Variants in PTPN21 observed in about 807,000 individuals in gnomAD.
PTPN21 encodes the protein protein tyrosine phosphatase non-receptor type 21.
In PTPN21, 77 loss-of-function variants were observed where a neutral mutation model predicts 131.8. The ratio of observed to expected loss-of-function variants is 0.58; its 90% CI spans 0.49 to 0.71. The LOEUF (loss-of-function observed/expected upper bound fraction) is 0.71. Ranked by LOEUF, PTPN21 falls within the 30% of genes least tolerant of loss-of-function variation. PTPN21 has a pLI of 0.00. For missense variants in PTPN21, 1,552 were observed against 1,527.1 expected (o/e 1.02, Z -0.27); for synonymous variants, 715 against 621.3 (o/e 1.15, Z -2.24).
chr14:88,510,594 A>C (rs1197796505), intron 3 of PTPN21, among the ~76,000 whole-genome samples: 1 of 152,156 alleles, frequency 6.6e-6, no homozygotes, highest in South Asian at 2.1e-4. Context: ...ACAGTCCACA[A>C]AACACAATGG....
chr14:88,527,671 A>G (rs2078499011), intron 2 of PTPN21, among the ~76,000 whole-genome samples: 1 of 152,086 alleles, frequency 6.6e-6, no homozygotes, highest in African/African-American at 2.4e-5. Flanking sequence ...ATTAAATCTC[A>G]TCTATTTTTG....
intron 8 of PTPN21, 33 bp from the exon 9 acceptor site, chr14:88,497,323 G>C: frequency 6.6e-7 from 1 of 1,515,614 alleles, no homozygotes; most frequent in Non-Finnish European, 9.2e-7. Flanking sequence ...CTGGCAATGT[G>C]AGTGCCCATG....
intron 4 of PTPN21, among the ~76,000 whole-genome samples, chr14:88,507,036 G>A (rs568471096): frequency 2.0e-5 from 3 of 151,360 alleles, no homozygotes; most frequent in African/African-American, 7.2e-5. Flanking sequence ...TCCATAGAGC[G>A]AGACTCCATC....
intron 10 of PTPN21, among the ~76,000 whole-genome samples, chr14:88,487,308 A>T (rs2140110857): frequency 6.6e-6 from 1 of 152,262 alleles, no homozygotes; most frequent in South Asian, 2.1e-4. Context: ...GTACTTATGT[A>T]ACACATAATC....
intron 9 of PTPN21, among the ~76,000 whole-genome samples, chr14:88,496,718 T>C (rs1174798988): frequency 6.6e-6 from 1 of 152,220 alleles, no homozygotes. Context: ...GATTCTCATA[T>C]TAAACAGTTT....
In PTPN21 at chr14:88,478,294, G is replaced by T. The variant is rs185792131; in HGVS notation, c.2511+626C>A. ...TTAAAGAACTGCATCTTCTACCGGG[G>T]ACTTTCCTTAGATTCTCAGCTGAAT... On this transcript the variant is annotated intron_variant, in intron 13 of 18. Coordinates refer to ENST00000556564, the MANE Select transcript of PTPN21 (RefSeq NM_007039.4). Among the ~76,000 whole-genome samples, 4 of 152,140 alleles carry T rather than the reference G, an allele frequency of 2.6e-5. No individual in the cohort carries two copies. The East Asian group carries it at 5.8e-4, about 22-fold the overall frequency.
chr14:88,534,891 T>C (rs1284606551), intron 2 of PTPN21, among the ~76,000 whole-genome samples: 1 of 151,930 alleles, frequency 6.6e-6, no homozygotes, highest in African/African-American at 2.4e-5. Flanking sequence ...AATTAAAAAA[T>C]TGTGATATAT....
At position 88,469,642 on chromosome 14, in the gene PTPN21, C is replaced by G. The variant is rs376371612; in HGVS notation, c.3092G>C (p.Arg1031Pro). The G allele has an allele frequency of 1.2e-6, 2 of 1,614,112 alleles. No individual in the cohort carries two copies. Among genetic ancestry groups the G allele is most frequent in the African/African-American group, 1.3e-5 (1 of 75,000 alleles). The change falls in exon 17 of 19, where the codon CGG (arginine) becomes CCG (proline). Residue 1031 changes from arginine (R) to proline (P), a missense_variant. By Grantham distance (103) the Arg-to-Pro change is moderately radical (BLOSUM62 -2). Coordinates refer to ENST00000556564, the MANE Select transcript of PTPN21 (RefSeq NM_007039.4). The surrounding 1 kb of genome is among the most constrained non-coding windows in gnomAD (Gnocchi z 4.3). The part of the protein sequence containing the change: ...VTYGRFKITT[R>P]FRTDSGCYAT... Reference sequence around the variant, plus strand: ...ATAGCAGCCAGAGTCTGTGCGGAACCGGGTCGTGATCTTAAACCTTCCATA... The same window carrying G: ...ATAGCAGCCAGAGTCTGTGCGGAACGGGGTCGTGATCTTAAACCTTCCATA...
Position 88,479,928 on chromosome 14 carries a change from C to T in PTPN21, c.1503G>A (p.Gln501=). The T allele has an allele frequency of 6.2e-7, 1 of 1,604,630 alleles. No homozygotes were observed. The highest frequency in any genetic ancestry group is 1.1e-5 in the South Asian group (1 of 90,940). The change falls in exon 13 of 19, where the codon CAG becomes CAA. Residue 501 remains glutamine, a synonymous_variant. Transcript: ENST00000556564. ...AGTGTGCGGCCGCTGGCGAGGGGAGCTGTGCGTGCTCGCGGATCTCGGGCT... is the reference window on the plus strand; with the variant it reads ...AGTGTGCGGCCGCTGGCGAGGGGAGTTGTGCGTGCTCGCGGATCTCGGGCT... ...YSQPEIREHA[Q]LPSPAAAHCP...
At chr14:88,505,260 T>C in intron 5 of PTPN21, 44 bp downstream of exon 5, 1 of 1,421,048 alleles carries the variant, frequency 7.0e-7, no homozygotes, top group Non-Finnish European at 9.9e-7. Context: ...GGTATAGGAA[T>C]AAACTGTTTC....
At chr14:88,475,047 G>A (rs2077529622) in intron 13 of PTPN21, among the ~76,000 whole-genome samples, 1 of 151,974 alleles carries the variant, frequency 6.6e-6, no homozygotes, top group Admixed American at 6.6e-5. Context: ...AGCTGAGATC[G>A]TGCCACTGCA....
chr14:88,547,551 G>A lies in PTPN21; in HGVS notation c.180+2687C>T, dbSNP rs183728344. ...TACCTGTAGTCCCAGCTCTTGGCAG[G>A]CTAAGGCAAAAGGATCACTTGAGCC... On this transcript the variant is annotated intron_variant, in intron 2 of 18. Transcript: ENST00000556564. The A allele has an allele frequency of 1.0e-3, 423 of 403,434 alleles. 1 individual carries two copies. Among genetic ancestry groups the A allele is most frequent in the Non-Finnish European group, 1.8e-3 (356 of 202,470 alleles). The allele number at this position is 403,434 out of a possible 1,614,324, so 25.0% of individuals were successfully genotyped here.
At chr14:88,513,733 A>G (rs2139302704) in intron 3 of PTPN21, 1 of 152,330 alleles carries the variant, frequency 6.6e-6, no homozygotes, top group Non-Finnish European at 1.5e-5. Context: ...CCAGTCTATA[A>G]TATTTTGTTA....
intron 18 of PTPN21, 135 bp from the exon 19 acceptor site, chr14:88,468,400 A>G: frequency 1.2e-6 from 1 of 815,082 alleles, no homozygotes; most frequent in Non-Finnish European, 1.9e-6. Flanking sequence ...TCTTCTAGAA[A>G]TAAGCCATGA....
Position 88,479,568 on chromosome 14 carries a change from G to T in PTPN21, c.1863C>A (p.Ser621Arg). The T allele has an allele frequency of 6.3e-7, 1 of 1,597,762 alleles. No individual in the cohort carries two copies. The highest frequency in any genetic ancestry group is 8.5e-7 in the Non-Finnish European group (1 of 1,178,252). Residue 621 changes from serine (S) to arginine (R), a missense_variant, in exon 13 of 19, where the codon AGC becomes AGA. By Grantham distance (110) the Ser-to-Arg change is moderately radical. Coordinates refer to ENST00000556564, the MANE Select transcript of PTPN21 (RefSeq NM_007039.4). ...LPVAHSLQEVSEPLTAARHAQ... is the reference protein window; with the variant it reads ...LPVAHSLQEVREPLTAARHAQ... ...CGTGGCGCGCGGCGGTGAGGGGCTC[G>T]CTGACCTCCTGCAGCGAGTGCGCCA...
intron 12 of PTPN21, among the ~76,000 whole-genome samples, chr14:88,484,663 T>C (rs977883530): frequency 1.3e-5 from 2 of 152,100 alleles, no homozygotes; most frequent in Admixed American, 6.5e-5. Flanking sequence ...CAAATATACC[T>C]GGATCATCTG....
rs982720661 is a variant in PTPN21 at position 88,529,246 on chromosome 14, T to C, written c.181-11985A>G. Among the ~76,000 whole-genome samples the C allele has an allele frequency of 3.3e-5, 5 of 152,236 alleles. No homozygotes were observed. In the South Asian group the frequency reaches 8.3e-4, roughly 25 times the overall value. On this transcript the variant is annotated intron_variant, in intron 2 of 18. Transcript: ENST00000556564. ...TCTATTGAGATGATCATATTGTTTT[T>C]AATGCTGTTTTTGTGGTCTATCACA...
intron 15 of PTPN21, among the ~76,000 whole-genome samples, chr14:88,470,717 T>G (rs920499414): frequency 6.6e-6 from 1 of 152,254 alleles, no homozygotes; most frequent in African/African-American, 2.4e-5. Flanking sequence ...GCCAGCCCCC[T>G]AGTCACCGCT....
rs1317810561 is a variant in PTPN21, at chr14:88,485,205, T to G, written c.994-45A>C. On this transcript the variant is annotated intron_variant, in intron 11 of 18. Coordinates refer to ENST00000556564, the MANE Select transcript of PTPN21 (RefSeq NM_007039.4). Reference sequence around the variant, plus strand: ...ACACAGGGTTGAAACACATTGCTTATGTAATACAGGTAAAGTTATTATCCA... The same window carrying G: ...ACACAGGGTTGAAACACATTGCTTAGGTAATACAGGTAAAGTTATTATCCA... The G allele has an allele frequency of 2.4e-6, 3 of 1,224,650 alleles. No homozygotes were observed. The South Asian group carries it at 5.1e-5, about 21-fold the overall frequency. The allele number at this position is 1,224,650 out of a possible 1,614,324, so 75.9% of individuals were successfully genotyped here. A position where few individuals can be genotyped will look rare whatever the true frequency, so the allele number is the denominator to read the frequency against.
Sources: allele counts gnomAD v4.1 joint callset (sites outside exome capture counted in the v4.1 genomes callset), GRCh38; gene constraint gnomAD v4.1.1; non-coding constraint Gnocchi (gnomAD v3.1); transcripts MANE v1.5; gene names NCBI Gene and HGNC (gene_info 2026-07-23, HGNC 2026-07-21).